Variants in GTF2A1L observed in about 807,000 individuals in gnomAD.
The protein encoded by GTF2A1L is TFIIA-alpha and beta-like factor.
In GTF2A1L, 48 loss-of-function variants were observed where a neutral mutation model predicts 49.7. The observed-to-expected ratio is 0.97, with a 90% CI of 0.77 to 1.23. The LOEUF is 1.23. Ranked by LOEUF, GTF2A1L falls within the 50% of genes most tolerant of loss-of-function variation. The pLI is 0.00. For missense variants in GTF2A1L, 736 were observed against 564.8 expected, an observed-to-expected ratio of 1.30 and a Z score of -3.07; for synonymous variants, 246 against 193.5, an observed-to-expected ratio of 1.27 and a Z score of -2.25.
Position 48,642,415 on chromosome 2 carries a change from T to C in GTF2A1L, c.261T>C (p.Ile87=), listed in dbSNP as rs1183482979. 6.3e-7 allele frequency: 1 copy of C among 1,592,714 alleles called. No homozygotes were observed. Among genetic ancestry groups the C allele is most frequent in the South Asian group, 1.2e-5 (1 of 86,602 alleles). Reference sequence around the variant, plus strand: ...TTTCCTATGCAGCATCATTAGTTATTCCTGCTGGTAGAACTCTTCCAAGTT... The same window carrying C: ...TTTCCTATGCAGCATCATTAGTTATCCCTGCTGGTAGAACTCTTCCAAGTT... ...TLQSSTASLV[I]PAGRTLPSFT... Residue 87 remains isoleucine (I), a synonymous_variant, in exon 4 of 9, where the codon ATT becomes ATC. Transcript: ENST00000403751.
chr2:48,618,866 C>T (rs1349408773), intron 1 of GTF2A1L, among the ~76,000 whole-genome samples: 1 of 152,208 alleles, frequency 6.6e-6, no homozygotes, highest in Admixed American at 6.5e-5. Flanking sequence ...ATGTTCAATA[C>T]CTATTTTGAT....
chr2:48,678,629 T>A (rs1396977876), intron 8 of GTF2A1L, among the ~76,000 whole-genome samples: 1 of 152,096 alleles, frequency 6.6e-6, no homozygotes, highest in Non-Finnish European at 1.5e-5. Flanking sequence ...AATTTCTTAT[T>A]TTTTATTGTG....
rs898800215 is a variant in GTF2A1L, at chr2:48,646,703, C to T, written c.639C>T (p.Ala213=). ...TAGATAGGAAACACTTAGAAAATGCCACCAGTGATATACTTGTATCTCCTG... is the reference window on the plus strand; with the variant it reads ...TAGATAGGAAACACTTAGAAAATGCTACCAGTGATATACTTGTATCTCCTG... The part of the protein sequence containing the change: ...GPVDRKHLEN[A]TSDILVSPGN... Residue 213 remains alanine (A), a synonymous_variant, in exon 6 of 9, where the codon GCC becomes GCT. Coordinates refer to ENST00000403751, the MANE Select transcript of GTF2A1L (RefSeq NM_006872.5). The T allele has an allele frequency of 6.2e-7, 1 of 1,614,148 alleles. No homozygotes were observed. Among genetic ancestry groups the T allele is most frequent in the Non-Finnish European group, 8.5e-7 (1 of 1,180,024 alleles).
chr2:48,647,151 GT>G (rs1677566187), intron 6 of GTF2A1L, 109 bp downstream of exon 6: 3 of 1,059,242 alleles, frequency 2.8e-6, no homozygotes, highest in Admixed American at 3.7e-5. Context: ...TATATATTTT[GT>G]TTTTTTCTTT....
At chr2:48,676,394 C>T (rs1028848967) in intron 8 of GTF2A1L, among the ~76,000 whole-genome samples, 3 of 151,766 alleles carry the variant, frequency 2.0e-5, no homozygotes, top group South Asian at 2.1e-4. Context: ...GGCAAATGTA[C>T]GTGGTTAGGT....
At chr2:48,662,989 T>C (rs905475661) in intron 6 of GTF2A1L, among the ~76,000 whole-genome samples, 2 of 152,014 alleles carry the variant, frequency 1.3e-5, no homozygotes, top group African/African-American at 4.8e-5. Flanking sequence ...GTGATGAAAT[T>C]ATCTGTAAAC....
chr2:48,634,676 A>T (rs1676784059), intron 3 of GTF2A1L, among the ~76,000 whole-genome samples: 1 of 152,186 alleles, frequency 6.6e-6, no homozygotes, highest in African/African-American at 2.4e-5. Flanking sequence ...CAGGGTATGA[A>T]ATTCTTGGTT....
chr2:48,633,979 G>C (rs35446259), intron 3 of GTF2A1L, among the ~76,000 whole-genome samples: 12,898 of 151,984 alleles, frequency 0.085, 600 homozygotes, highest in Non-Finnish European at 0.11. Flanking sequence ...TATTTGCTTG[G>C]TGGATCACTC....
At chr2:48,625,572 G>A in intron 3 of GTF2A1L, among the ~76,000 whole-genome samples, 1 of 142,898 alleles carries the variant, frequency 7.0e-6, no homozygotes, top group Middle Eastern at 3.5e-3. Flanking sequence ...TTTGATGTCT[G>A]TATTTATTTT....
rs111377475 is a variant in GTF2A1L at position 48,660,153 on chromosome 2, G to A, written c.979-9569G>A. Among the ~76,000 whole-genome samples the A allele has an allele frequency of 6.2e-3, 937 of 152,086 alleles. 7 individuals are homozygous for A. Among genetic ancestry groups the A allele is most frequent in the Non-Finnish European group, 7.8e-3 (533 of 67,984 alleles). Reference sequence around the variant, plus strand: ...GGATTAAATCTCATTTGGCCATGGTGTAGGATTCCTGTAATGTGCTATTAT... The same window carrying A: ...GGATTAAATCTCATTTGGCCATGGTATAGGATTCCTGTAATGTGCTATTAT... On this transcript the variant is annotated intron_variant, in intron 6 of 8. Coordinates refer to ENST00000403751, the MANE Select transcript of GTF2A1L (RefSeq NM_006872.5).
intron 6 of GTF2A1L, among the ~76,000 whole-genome samples, chr2:48,663,161 C>T (rs973667617): frequency 6.6e-6 from 1 of 152,072 alleles, no homozygotes; most frequent in Non-Finnish European, 1.5e-5. Flanking sequence ...TGGCTGGAAA[C>T]AGTGGCTCAT....
Position 48,646,568 on chromosome 2 carries a change from A to G in GTF2A1L, c.504A>G (p.Ile168Met), listed in dbSNP as rs957203327. Residue 168 changes from isoleucine (I) to methionine (M), a missense_variant, in exon 6 of 9, where the codon ATA becomes ATG. Coordinates refer to ENST00000403751, the MANE Select transcript of GTF2A1L (RefSeq NM_006872.5). Reference sequence around the variant, plus strand: ...AACAGCTTGGCCAGCCTTCAGTAATACAAACTAGTGTTCCACAATTGAATC... The same window carrying G: ...AACAGCTTGGCCAGCCTTCAGTAATGCAAACTAGTGTTCCACAATTGAATC... ...VFQQLGQPSV[I>M]QTSVPQLNPW... is the part of the protein sequence containing the mutation. The G allele has an allele frequency of 1.7e-5, 27 of 1,614,092 alleles. No homozygotes were observed. The highest frequency in any genetic ancestry group is 2.1e-5 in the Non-Finnish European group (25 of 1,180,040).
intron 6 of GTF2A1L, among the ~76,000 whole-genome samples, chr2:48,665,245 T>A (rs1678753376): frequency 6.6e-6 from 1 of 151,782 alleles, no homozygotes; most frequent in South Asian, 2.1e-4. Context: ...TTATTGATAA[T>A]TTCAAAGAAT....
chr2:48,647,277 T>C (rs902976122), intron 6 of GTF2A1L, among the ~76,000 whole-genome samples: 3 of 152,234 alleles, frequency 2.0e-5, no homozygotes, highest in Admixed American at 6.5e-5. Context: ...AGTAGTGTTA[T>C]ATACATTCAC....
At chr2:48,623,916 G>T (rs567924903) in intron 3 of GTF2A1L, among the ~76,000 whole-genome samples, 2 of 152,310 alleles carry the variant, frequency 1.3e-5, no homozygotes, top group South Asian at 4.1e-4. Context: ...GAGAGAAGGA[G>T]AGAAGGGGGC....
intron 6 of GTF2A1L, among the ~76,000 whole-genome samples, chr2:48,667,090 C>T (rs954673221): frequency 3.3e-5 from 5 of 150,718 alleles, no homozygotes; most frequent in Admixed American, 2.0e-4. Context: ...TCCACCTCTT[C>T]AGCATGCACC....
chr2:48,625,700 G>A (rs1374233220), intron 3 of GTF2A1L, among the ~76,000 whole-genome samples: 1 of 142,260 alleles, frequency 7.0e-6, no homozygotes, highest in East Asian at 2.0e-4. Flanking sequence ...CTCTCACCTC[G>A]ACTTCATGAG....
intron 6 of GTF2A1L, among the ~76,000 whole-genome samples, chr2:48,654,704 T>C (rs1308296175): frequency 6.6e-6 from 1 of 152,130 alleles, no homozygotes; most frequent in Non-Finnish European, 1.5e-5. Context: ...TTTTTACATA[T>C]GGATATTCAA....
intron 6 of GTF2A1L, among the ~76,000 whole-genome samples, chr2:48,651,310 A>G (rs1677831294): frequency 6.6e-6 from 1 of 152,190 alleles, no homozygotes; most frequent in Non-Finnish European, 1.5e-5. Context: ...TCATAGATGT[A>G]TCAGCAGCGA....
Sources: allele counts gnomAD v4.1 joint callset (sites outside exome capture counted in the v4.1 genomes callset), GRCh38; gene constraint gnomAD v4.1.1; transcripts MANE v1.5; gene names NCBI Gene and HGNC (gene_info 2026-07-23, HGNC 2026-07-21).